ZFPM2: variants seen among roughly 807,000 people sequenced by gnomAD.
The protein encoded by ZFPM2 is zinc finger protein, FOG family member 2.
In ZFPM2, 20 loss-of-function variants were observed where a neutral mutation model predicts 98.6. The ratio of observed to expected loss-of-function variants is 0.20; its 90% CI spans 0.14 to 0.29. The LOEUF (loss-of-function observed/expected upper bound fraction) is 0.29, where lower values mean the gene tolerates loss of function less well. Among genes scored for constraint, ZFPM2 ranks in the 10% least tolerant of loss-of-function variants. ZFPM2 has a pLI of 1.00. For missense variants in ZFPM2, 1,310 were observed against 1,388.6 expected (o/e 0.94, Z 0.90); for synonymous variants, 518 against 502.7 (o/e 1.03, Z -0.41).
intron 5 of ZFPM2, among the ~76,000 whole-genome samples, chr8:105,655,073 A>G (rs1817256447): frequency 1.3e-5 from 2 of 152,168 alleles, no homozygotes; most frequent in Admixed American, 6.5e-5. Flanking sequence ...GAGGAATAAA[A>G]TTTGAATTTG....
chr8:105,348,754 A>G (rs184756934), intron 1 of ZFPM2, among the ~76,000 whole-genome samples: 24 of 152,318 alleles, frequency 1.6e-4, no homozygotes, highest in Non-Finnish European at 3.1e-4. Context: ...TAATTCATTT[A>G]AAAATAGAAA....
rs1288000529 is a variant in ZFPM2, at chr8:105,747,521, A to G, written c.533-41197A>G. Among the ~76,000 whole-genome samples, 3 of 152,104 alleles carry G rather than the reference A, an allele frequency of 2.0e-5. No homozygotes were observed. In the East Asian group the frequency reaches 5.8e-4, roughly 29 times the overall value. On this transcript the variant is annotated intron_variant, in intron 5 of 7. Coordinates refer to ENST00000407775, the MANE Select transcript of ZFPM2 (RefSeq NM_012082.4). ...GTACACAGAAGATAAGAATTTAATT[A>G]AATGTAGATTAAAACCAAACAGGAA...
chr8:105,764,678 AT>A (rs200976912), intron 5 of ZFPM2, among the ~76,000 whole-genome samples: 22 of 150,578 alleles, frequency 1.5e-4, no homozygotes, highest in African/African-American at 9.8e-5. Context: ...TTTTTTCATG[AT>A]TTTTTTTTCT....
intron 4 of ZFPM2, among the ~76,000 whole-genome samples, chr8:105,589,951 G>C (rs1336278960): frequency 6.6e-6 from 1 of 152,174 alleles, no homozygotes; most frequent in Non-Finnish European, 1.5e-5. Flanking sequence ...TTGAACTCCT[G>C]ACCTCGTGAT....
intron 3 of ZFPM2, among the ~76,000 whole-genome samples, chr8:105,536,371 T>G (rs1248153357): frequency 6.6e-6 from 1 of 152,142 alleles, no homozygotes; most frequent in East Asian, 1.9e-4. Context: ...AAGTAAATTT[T>G]TAATGTTCTT....
intron 3 of ZFPM2, among the ~76,000 whole-genome samples, chr8:105,468,070 A>G (rs984314349): frequency 6.6e-6 from 1 of 151,460 alleles, no homozygotes; most frequent in Admixed American, 6.6e-5. Flanking sequence ...CTCTCTTATC[A>G]CTTCTCATAG....
At chr8:105,758,628 T>C (rs1282197734) in intron 5 of ZFPM2, among the ~76,000 whole-genome samples, 1 of 152,088 alleles carries the variant, frequency 6.6e-6, no homozygotes, top group Non-Finnish European at 1.5e-5. Flanking sequence ...ATTGCTTCAT[T>C]TTTAGGAGTC....
At chr8:105,730,097 G>T (rs144764005) in intron 5 of ZFPM2, among the ~76,000 whole-genome samples, 6 of 151,668 alleles carry the variant, frequency 4.0e-5, no homozygotes, top group African/African-American at 1.2e-4. Flanking sequence ...TAGACCCTGA[G>T]AATAGAGAAG....
rs1586288560 is a variant in ZFPM2 at position 105,319,027 on chromosome 8, G to T, written c.40+46G>T. The T allele has an allele frequency of 4.1e-6, 6 of 1,472,776 alleles. No homozygotes were observed. The East Asian group carries it at 1.4e-4, about 35-fold the overall frequency. The allele number at this position is 1,472,776 out of a possible 1,614,324, so 91.2% of individuals were successfully genotyped here. ...GGGAGTTGGTGGGATTATTGCCCAG[G>T]AGCGGGGTGCGCGGGACGGGAAAGC... On this transcript the variant is annotated intron_variant, in intron 1 of 7. Transcript: ENST00000407775.
At position 105,779,411 on chromosome 8, in the gene ZFPM2, A is replaced by G. The variant is rs150674686; in HGVS notation, c.533-9307A>G. Among the ~76,000 whole-genome samples, 76 of 152,342 alleles carry G rather than the reference A, an allele frequency of 5.0e-4. No homozygotes were observed. In the East Asian group the frequency reaches 0.014, roughly 27 times the overall value. On this transcript the variant is annotated intron_variant, in intron 5 of 7. Transcript: ENST00000407775. ...GCAAGCGTCTATCAATCACACAGAT[A>G]AATTAGAAAGAAACATGTATAGACA... is the stretch of plus-strand genomic sequence containing the variant.
intron 5 of ZFPM2, among the ~76,000 whole-genome samples, chr8:105,766,637 G>C (rs1365036980): frequency 6.6e-6 from 1 of 151,874 alleles, no homozygotes; most frequent in Non-Finnish European, 1.5e-5. Context: ...ATGTAGAATT[G>C]GCAGGGCTTT....
At chr8:105,541,570 G>C (rs890685740) in intron 3 of ZFPM2, among the ~76,000 whole-genome samples, 2 of 152,106 alleles carry the variant, frequency 1.3e-5, no homozygotes, top group Admixed American at 1.3e-4. Flanking sequence ...TACTTTCTGA[G>C]GGAACTGAAA....
intron 3 of ZFPM2, among the ~76,000 whole-genome samples, chr8:105,543,907 C>G (rs1173623856): frequency 6.6e-6 from 1 of 152,154 alleles, no homozygotes; most frequent in East Asian, 1.9e-4. Context: ...CAGGCATGCA[C>G]ACACACATAC....
At chr8:105,410,724 A>G (rs1811559394) in intron 1 of ZFPM2, among the ~76,000 whole-genome samples, 2 of 151,950 alleles carry the variant, frequency 1.3e-5, no homozygotes, top group Admixed American at 6.6e-5. Context: ...AGAAAAGTGT[A>G]TATGTGGTAT....
Position 105,623,637 on chromosome 8 carries a change from C to G in ZFPM2, c.421-10609C>G, listed in dbSNP as rs1816597910. 2.0e-5 allele frequency among the ~76,000 whole-genome samples: 3 copies of G among 152,218 alleles called. No individual in the cohort carries two copies. In the South Asian group the frequency reaches 6.2e-4, roughly 32 times the overall value. On this transcript the variant is annotated intron_variant, in intron 4 of 7. Coordinates refer to ENST00000407775, the MANE Select transcript of ZFPM2 (RefSeq NM_012082.4). Reference sequence around the variant, plus strand: ...AGTGGATTCATTCATGAAAGATGGACACATCTTAGCGTCTGAAGATGACTT... The same window carrying G: ...AGTGGATTCATTCATGAAAGATGGAGACATCTTAGCGTCTGAAGATGACTT...
chr8:105,369,837 T>C (rs1810583814), intron 1 of ZFPM2, among the ~76,000 whole-genome samples: 1 of 151,984 alleles, frequency 6.6e-6, no homozygotes, highest in Admixed American at 6.6e-5. Context: ...GCAGTGAGAG[T>C]GATTTCAAGA....
At chr8:105,402,659 T>TA (rs557066660) in intron 1 of ZFPM2, among the ~76,000 whole-genome samples, 138 of 152,142 alleles carry the variant, frequency 9.1e-4, no homozygotes, top group African/African-American at 3.2e-3. Flanking sequence ...TTTTGTTAAA[T>TA]TAGTCCCAAC....
intron 3 of ZFPM2, among the ~76,000 whole-genome samples, chr8:105,557,968 A>G (rs978590017): frequency 2.0e-5 from 3 of 152,132 alleles, no homozygotes; most frequent in African/African-American, 7.2e-5. Flanking sequence ...GCAAGTTGTG[A>G]GTGAGTGCAA....
rs575054307 is a variant in ZFPM2 at position 105,801,694 on chromosome 8, G to C, written c.1612G>C (p.Val538Leu). 1 of 1,613,558 alleles carries C rather than the reference G, an allele frequency of 6.2e-7. No homozygotes were observed. Among genetic ancestry groups the C allele is most frequent in the Non-Finnish European group, 8.5e-7 (1 of 1,179,864 alleles). ...LRHGSSSYPP[V>L]IYSPLMPKGA... ...GCATGGCAGTAGTAGCTACCCTCCC[G>C]TCATTTACAGCCCTTTGATGCCCAA... Residue 538 changes from valine (V) to leucine (L), a missense_variant, in exon 8 of 8, where the codon GTC becomes CTC. Val to Leu is a conservative substitution (Grantham distance 32). Coordinates refer to ENST00000407775, the MANE Select transcript of ZFPM2 (RefSeq NM_012082.4).
Sources: allele counts gnomAD v4.1 joint callset (sites outside exome capture counted in the v4.1 genomes callset), GRCh38; gene constraint gnomAD v4.1.1; transcripts MANE v1.5; gene names NCBI Gene and HGNC (gene_info 2026-07-23, HGNC 2026-07-21).